HERC3: variants seen among roughly 807,000 people sequenced by gnomAD.
HERC3 encodes the protein HECT and RLD domain containing E3 ubiquitin protein ligase 3.
HERC3 carries 58 observed loss-of-function variants against 129.9 expected under a neutral mutation model. The observed-to-expected ratio is 0.45, with a 90% CI of 0.36 to 0.56. The LOEUF (loss-of-function observed/expected upper bound fraction) is 0.56, where lower values mean the gene tolerates loss of function less well. Ranked by LOEUF, HERC3 falls within the 20% of genes least tolerant of loss-of-function variation. HERC3 has a pLI of 0.00. For synonymous variants in HERC3, 430 were observed against 451.0 expected (o/e 0.95, Z 0.59); for missense variants, 835 against 1,244.2 (o/e 0.67, Z 4.95).
At chr4:88,662,397 T>G in intron 10 of HERC3, 34 bp from the exon 11 acceptor site, 1 of 1,583,584 alleles carries the variant, frequency 6.3e-7, no homozygotes, top group Non-Finnish European at 8.6e-7. Context: ...TGCTACATAA[T>G]TTCTTCTTTT....
the HERC3 span, among the ~76,000 whole-genome samples, chr4:88,535,146 A>G: frequency 6.6e-6 from 1 of 152,176 alleles, no homozygotes. Context: ...TATTGAAACT[A>G]TGGTCACAAT....
chr4:88,613,478 A>G (rs2149207808), intron 3 of HERC3, among the ~76,000 whole-genome samples: 1 of 152,364 alleles, frequency 6.6e-6, no homozygotes, highest in South Asian at 2.1e-4. Context: ...CAGAACGTCC[A>G]AAAGCTTCAA....
intron 19 of HERC3, among the ~76,000 whole-genome samples, chr4:88,679,390 A>G (rs1732511742): frequency 6.6e-6 from 1 of 152,192 alleles, no homozygotes; most frequent in African/African-American, 2.4e-5. Flanking sequence ...CTTTTATTCA[A>G]GTTAAATGAA....
intron 3 of HERC3, among the ~76,000 whole-genome samples, chr4:88,642,079 C>T (rs1228800568): frequency 2.1e-5 from 3 of 141,992 alleles, no homozygotes; most frequent in Admixed American, 7.2e-5. Flanking sequence ...TGCAGTGAGC[C>T]GAGATCACAC....
chr4:88,695,945 C>T (rs891286592), intron 23 of HERC3: 1 of 152,496 alleles, frequency 6.6e-6, no homozygotes, highest in African/African-American at 2.4e-5. Flanking sequence ...TTATTAACAC[C>T]ACAGTGATAA....
intron 3 of HERC3, among the ~76,000 whole-genome samples, chr4:88,615,696 G>T (rs1174414953): frequency 6.6e-6 from 1 of 152,098 alleles, no homozygotes; most frequent in Non-Finnish European, 1.5e-5. Flanking sequence ...GGGTTGTGAA[G>T]ATTTAATACA....
chr4:88,652,939 A>G lies in HERC3; in HGVS notation c.534A>G (p.Gln178=), dbSNP rs1027775744. Residue 178 remains glutamine (Q), a synonymous_variant, in exon 6 of 26, where the codon CAA becomes CAG. Coordinates refer to ENST00000402738, the MANE Select transcript of HERC3 (RefSeq NM_014606.3). The part of the protein sequence containing the change: ...QLGLGKEFPS[Q]ASPQRVRSLE... Reference sequence around the variant, plus strand: ...GCTTAGGGAAGGAGTTCCCCTCCCAAGCCAGCCCACAGAGGGTGAGGTCCC... The same window carrying G: ...GCTTAGGGAAGGAGTTCCCCTCCCAGGCCAGCCCACAGAGGGTGAGGTCCC... The G allele has an allele frequency of 6.2e-7, 1 of 1,613,968 alleles. No homozygotes were observed. The highest frequency in any genetic ancestry group is 8.5e-7 in the Non-Finnish European group (1 of 1,180,034).
intron 4 of HERC3, among the ~76,000 whole-genome samples, chr4:88,651,505 C>T (rs187280691): frequency 2.8e-4 from 43 of 152,264 alleles, no homozygotes; most frequent in African/African-American, 9.6e-4. Context: ...ATGTACCTTA[C>T]AGGGTTATGG....
chr4:88,654,346 TTTCATATATATATATA>T (rs1232103674), intron 7 of HERC3, among the ~76,000 whole-genome samples: 22 of 79,730 alleles, frequency 2.8e-4, no homozygotes, highest in East Asian at 2.1e-3. Context: ...CTTGTAGATT[TTTCATATATATATATA>T]TATATATATA....
At chr4:88,532,747 A>G in the HERC3 span, among the ~76,000 whole-genome samples, 2 of 152,228 alleles carry the variant, frequency 1.3e-5, no homozygotes, top group African/African-American at 4.8e-5. Flanking sequence ...AGTACTAACA[A>G]GTACTCAGGA....
intron 3 of HERC3, among the ~76,000 whole-genome samples, chr4:88,631,809 T>C (rs980859732): frequency 6.6e-6 from 1 of 152,232 alleles, no homozygotes; most frequent in Non-Finnish European, 1.5e-5. Flanking sequence ...AAAAAAGTCT[T>C]ATTTAAAAAA....
chr4:88,553,890 G>A, the HERC3 span, among the ~76,000 whole-genome samples: 7 of 152,338 alleles, frequency 4.6e-5, no homozygotes, highest in African/African-American at 1.7e-4. Context: ...AACCTGGGAG[G>A]CGGAGGTTGC....
chr4:88,578,871 G>T, the HERC3 span, among the ~76,000 whole-genome samples: 1 of 152,138 alleles, frequency 6.6e-6, no homozygotes, highest in East Asian at 1.9e-4. Context: ...AGACCCAGTA[G>T]CATGTGATAA....
the HERC3 span, among the ~76,000 whole-genome samples, chr4:88,537,365 T>G: frequency 6.6e-6 from 1 of 152,230 alleles, no homozygotes; most frequent in Admixed American, 6.5e-5. Flanking sequence ...GAAGTTTACT[T>G]GCAGCAAGTC....
At chr4:88,667,758 A>G (rs759405846) in intron 13 of HERC3, 134 bp from the exon 14 acceptor site, 1 of 694,130 alleles carries the variant, frequency 1.4e-6, no homozygotes, top group East Asian at 2.6e-5. Context: ...GACCAGTGTC[A>G]GGCTCATAGT....
chr4:88,551,437 G>GA, the HERC3 span, among the ~76,000 whole-genome samples: 1 of 146,838 alleles, frequency 6.8e-6, no homozygotes, highest in Non-Finnish European at 1.5e-5. Context: ...AAATTTACAA[G>GA]AAAAAAACAA....
At chr4:88,617,866 G>A (rs989549671) in intron 3 of HERC3, among the ~76,000 whole-genome samples, 1 of 149,826 alleles carries the variant, frequency 6.7e-6, no homozygotes, top group Non-Finnish European at 1.5e-5. Context: ...GCGAGACTCC[G>A]TCTAAAGGAA....
intron 3 of HERC3, among the ~76,000 whole-genome samples, chr4:88,632,019 TC>T (rs1291828928): frequency 6.6e-6 from 1 of 152,146 alleles, no homozygotes; most frequent in African/African-American, 2.4e-5. Flanking sequence ...TACCATTTTT[TC>T]CCCTCTTATC....
chr4:88,667,388 AT>A lies in HERC3; in HGVS notation c.1347del (p.Phe449LeufsTer12). The part of the protein sequence containing the change: ...GSFLEKKIDE[H>X]FKTSPKIPGI... Reference sequence around the variant, plus strand: ...TTTTGTTTGTTTAGAATTGATGAACATTTTAAAACGAGTCCCAAAATCCCTG... The same window carrying A: ...TTTTGTTTGTTTAGAATTGATGAACATTTAAAACGAGTCCCAAAATCCCTG... On this transcript the variant is annotated frameshift_variant, in exon 13 of 26. Transcript: ENST00000402738. LOFTEE classifies it high-confidence loss of function. 6.3e-7 allele frequency: 1 copy of A among 1,592,048 alleles called. No homozygotes were observed. Among genetic ancestry groups the A allele is most frequent in the South Asian group, 1.1e-5 (1 of 87,612 alleles).
Sources: allele counts gnomAD v4.1 joint callset (sites outside exome capture counted in the v4.1 genomes callset), GRCh38; gene constraint gnomAD v4.1.1; transcripts MANE v1.5; gene names NCBI Gene and HGNC (gene_info 2026-07-23, HGNC 2026-07-21).